TYW1B: variants seen among roughly 807,000 people sequenced by gnomAD.
TYW1B encodes the protein S-adenosyl-L-methionine-dependent tRNA 4-demethylwyosine synthase TYW1B.
TYW1B carries 73 observed loss-of-function variants against 86.9 expected under a neutral mutation model. The observed-to-expected ratio is 0.84, with a 90% CI of 0.70 to 1.02. TYW1B has a LOEUF of 1.02. Ranked by LOEUF, TYW1B falls within the 50% of genes least tolerant of loss-of-function variation. The pLI, the probability that TYW1B is intolerant of heterozygous loss-of-function variation, is 0.00. For missense variants in TYW1B, 637 were observed against 827.4 expected (o/e 0.77, Z 2.82); for synonymous variants, 248 against 292.8 (o/e 0.85, Z 1.56).
chr7:72,773,701 A>G (rs1473637589), intron 7 of TYW1B, among the ~76,000 whole-genome samples: 2 of 152,206 alleles, frequency 1.3e-5, no homozygotes, highest in African/African-American at 4.8e-5. Flanking sequence ...GATGGGAAAG[A>G]ACCATTTTTG....
chr7:72,695,750 G>T (rs563419200), intron 10 of TYW1B, among the ~76,000 whole-genome samples: 1 of 151,708 alleles, frequency 6.6e-6, no homozygotes, highest in Non-Finnish European at 1.5e-5. Context: ...GTGCCACCAC[G>T]CCCGGCTAAT....
intron 6 of TYW1B, among the ~76,000 whole-genome samples, chr7:72,798,072 G>A (rs1341067048): frequency 6.6e-6 from 1 of 151,610 alleles, no homozygotes; most frequent in East Asian, 1.9e-4. Context: ...TTTAAACTAA[G>A]TTTGCAAATA....
chr7:72,748,533 A>C (rs2129571420), intron 7 of TYW1B, among the ~76,000 whole-genome samples: 1 of 147,650 alleles, frequency 6.8e-6, no homozygotes, highest in South Asian at 2.2e-4. Flanking sequence ...TCTTGTTCCC[A>C]ATCTAATGGG....
At chr7:72,647,663 TA>T in intron 11 of TYW1B, among the ~76,000 whole-genome samples, 1 of 152,198 alleles carries the variant, frequency 6.6e-6, no homozygotes, top group Non-Finnish European at 1.5e-5. Flanking sequence ...ATAACTGTTT[TA>T]GAGGAGTATT....
intron 12 of TYW1B, among the ~76,000 whole-genome samples, chr7:72,623,878 T>C (rs1812282633): frequency 6.6e-6 from 1 of 152,194 alleles, no homozygotes; most frequent in African/African-American, 2.4e-5. Flanking sequence ...CTCAGCTCAC[T>C]GCAGCCTCTG....
intron 11 of TYW1B, among the ~76,000 whole-genome samples, chr7:72,682,375 TAA>T (rs1178692480): frequency 2.0e-5 from 3 of 152,214 alleles, no homozygotes; most frequent in African/African-American, 7.2e-5. Flanking sequence ...AAATGAATGC[TAA>T]GTTATATCCC....
intron 13 of TYW1B, among the ~76,000 whole-genome samples, chr7:72,592,620 A>T (rs1811422745): frequency 6.6e-6 from 1 of 152,176 alleles, no homozygotes; most frequent in Non-Finnish European, 1.5e-5. Context: ...AAACAAAAAG[A>T]TATGATCCCA....
At chr7:72,813,287 T>C (rs1242815523) in intron 3 of TYW1B, among the ~76,000 whole-genome samples, 1 of 151,452 alleles carries the variant, frequency 6.6e-6, no homozygotes, top group Non-Finnish European at 1.5e-5. Flanking sequence ...GCAATTCTCC[T>C]GCCTCAGCCT....
chr7:72,586,758 A>AATG (rs1811287630), intron 13 of TYW1B, among the ~76,000 whole-genome samples: 1 of 151,338 alleles, frequency 6.6e-6, no homozygotes, highest in South Asian at 2.1e-4. Context: ...TAATAATAAT[A>AATG]ATAATAATAG....
At chr7:72,822,663 T>C (rs1365911911) in intron 2 of TYW1B, among the ~76,000 whole-genome samples, 1 of 152,186 alleles carries the variant, frequency 6.6e-6, no homozygotes, top group Non-Finnish European at 1.5e-5. Context: ...AATATTGAGA[T>C]GGGCTGGGCA....
At chr7:72,806,210 G>A (rs1788491120) in intron 5 of TYW1B, among the ~76,000 whole-genome samples, 1 of 148,604 alleles carries the variant, frequency 6.7e-6, no homozygotes, top group Non-Finnish European at 1.5e-5. Flanking sequence ...AAGGATTAAA[G>A]AAGACGTTTT....
chr7:72,764,116 T>A (rs187577392), intron 7 of TYW1B, among the ~76,000 whole-genome samples: 3 of 152,270 alleles, frequency 2.0e-5, no homozygotes, highest in Admixed American at 2.0e-4. Flanking sequence ...CTTAAAATAC[T>A]GCATGTAAGA....
At chr7:72,673,929 AC>A (rs1813673164) in intron 11 of TYW1B, among the ~76,000 whole-genome samples, 1 of 152,152 alleles carries the variant, frequency 6.6e-6, no homozygotes, top group South Asian at 2.1e-4. Flanking sequence ...TCTTTTTAGA[AC>A]CCTCCTCCTT....
intron 10 of TYW1B, among the ~76,000 whole-genome samples, chr7:72,703,633 T>G (rs1814543683): frequency 6.6e-6 from 1 of 151,800 alleles, no homozygotes; most frequent in Non-Finnish European, 1.5e-5. Context: ...GGCGGGCATA[T>G]CAGCTGAGGT....
At chr7:72,725,753 CCT>C (rs1345980010) in intron 9 of TYW1B, among the ~76,000 whole-genome samples, 1 of 152,128 alleles carries the variant, frequency 6.6e-6, no homozygotes, top group East Asian at 1.9e-4. Context: ...CCCACTCTTC[CCT>C]GAGTCTCCAA....
chr7:72,622,396 C>T (rs1396878673), intron 12 of TYW1B, among the ~76,000 whole-genome samples: 4 of 152,230 alleles, frequency 2.6e-5, no homozygotes, highest in Non-Finnish European at 5.9e-5. Flanking sequence ...TCTGGGCATA[C>T]ATTACCCCAT....
intron 13 of TYW1B, among the ~76,000 whole-genome samples, chr7:72,606,971 C>G (rs1376217914): frequency 6.6e-6 from 1 of 152,104 alleles, no homozygotes; most frequent in African/African-American, 2.4e-5. Flanking sequence ...CACCTAGAAA[C>G]AGGAAAATCT....
intron 8 of TYW1B, among the ~76,000 whole-genome samples, chr7:72,739,674 T>C (rs1691928739): frequency 6.8e-6 from 1 of 146,526 alleles, no homozygotes; most frequent in South Asian, 2.2e-4. Context: ...CAACTTGCTG[T>C]TAAGAAAAAA....
At position 72,828,127 on chromosome 7, in the gene TYW1B, G is replaced by C; in HGVS notation, c.-52C>G. The C allele has an allele frequency of 6.2e-7, 1 of 1,611,404 alleles. No homozygotes were observed. Among genetic ancestry groups the C allele is most frequent in the South Asian group, 1.1e-5 (1 of 90,452 alleles). On this transcript the variant is annotated 5_prime_UTR_variant, in exon 1 of 14. Coordinates refer to ENST00000620995, the MANE Select transcript of TYW1B (RefSeq NM_001145440.3). ...GATCTCGGACCTGGAGAGCCCAAAG[G>C]TTCGCACTGGTACTGCGAGACGCAC...
Sources: gnomAD v4.1 joint callset for allele counts (sites outside exome capture counted in the v4.1 genomes callset) on GRCh38, gnomAD v4.1.1 for gene constraint, MANE v1.5 for transcripts, NCBI Gene and HGNC (gene_info 2026-07-23, HGNC 2026-07-21) for gene names.